Variants in ITPR3 observed in about 807,000 individuals in gnomAD.
ITPR3 encodes inositol 1,4,5-trisphosphate receptor type 3.
ITPR3 carries 173 observed loss-of-function variants against 293.2 expected under a neutral mutation model. That is an observed-to-expected ratio of 0.59 (90% CI 0.52 to 0.67). ITPR3 has a LOEUF of 0.67. ITPR3 is among the 30% of genes least tolerant of loss of function. The pLI is 0.00. For synonymous variants in ITPR3, 1,295 were observed against 1,444.4 expected, an observed-to-expected ratio of 0.90 and a Z score of 2.35; for missense variants, 2,796 against 3,592.1, an observed-to-expected ratio of 0.78 and a Z score of 5.66.
rs758482151 is a variant in ITPR3 at position 33,691,774 on chromosome 6, G to A, written c.7331-27G>A. ...GTGGGGTAGGAGGAGCAGGCAGCCC[G>A]GGCCTCAGCACACTCTCCGCTTGCA... On this transcript the variant is annotated intron_variant, in intron 53 of 57. Coordinates refer to ENST00000605930, the MANE Select transcript of ITPR3 (RefSeq NM_002224.4). The surrounding 1 kb of genome is among the most constrained non-coding windows in gnomAD (Gnocchi z 4.9). 91 of 1,561,664 alleles carry A rather than the reference G, an allele frequency of 5.8e-5. No individual in the cohort carries two copies. In the African/African-American group the frequency reaches 9.0e-4, roughly 16 times the overall value.
rs890195593 is a variant in ITPR3, at chr6:33,685,877, T to C, written c.5667+50T>C. ...CCCTTCCCCCGCTGGCCAGCCGGCATGCAGACTAGGCAGTGTGGCTGGTGT... is the reference window on the plus strand; with the variant it reads ...CCCTTCCCCCGCTGGCCAGCCGGCACGCAGACTAGGCAGTGTGGCTGGTGT... On this transcript the variant is annotated intron_variant, in intron 41 of 57. Transcript: ENST00000605930. The C allele has an allele frequency of 3.2e-6, 5 of 1,544,626 alleles. No homozygotes were observed. In the African/African-American group the frequency reaches 6.8e-5, roughly 21 times the overall value.
Position 33,633,856 on chromosome 6 carries a change from G to C in ITPR3, c.90-6628G>C, listed in dbSNP as rs1416608985. On this transcript the variant is annotated intron_variant, in intron 1 of 57. Coordinates refer to ENST00000605930, the MANE Select transcript of ITPR3 (RefSeq NM_002224.4). This position sits in a 1 kb window ranked among gnomAD's most constrained non-coding sequence, Gnocchi z 5.2. The stretch of plus-strand genomic sequence containing the variant: ...CGGGCGCGGGGCGGGGCCGGGCCGG[G>C]CCGGGGCGGGGCCAGGGAGGCCAGA... Among the ~76,000 whole-genome samples the C allele has an allele frequency of 6.8e-6, 1 of 147,478 alleles. No homozygotes were observed. Among genetic ancestry groups the C allele is most frequent in the South Asian group, 2.1e-4 (1 of 4,804 alleles).
In ITPR3 at chr6:33,670,507, A is replaced by T. The variant is rs1764727379; in HGVS notation, c.2372A>T (p.Gln791Leu). 6.2e-7 allele frequency: 1 copy of T among 1,612,688 alleles called. No homozygotes were observed. The highest frequency in any genetic ancestry group is 1.7e-5 in the Admixed American group (1 of 59,878). The change falls in exon 19 of 58, where the codon CAG becomes CTG. Residue 791 changes from glutamine to leucine, a missense_variant. Transcript: ENST00000605930. The surrounding 1 kb of genome is among the most constrained non-coding windows in gnomAD (Gnocchi z 6.7). ...MLHVHVDRDP[Q>L]ELVTPVKFAR... Reference sequence around the variant, plus strand: ...CACGTGCACGTGGACCGTGACCCCCAGGAGCTGGTCACGCCGGTCAAGTTT... The same window carrying T: ...CACGTGCACGTGGACCGTGACCCCCTGGAGCTGGTCACGCCGGTCAAGTTT...
rs965756989 is a variant in ITPR3 at position 33,692,735 on chromosome 6, T to C, written c.7466T>C (p.Leu2489Pro). 50 of 1,613,932 alleles carry C rather than the reference T, an allele frequency of 3.1e-5. No individual in the cohort carries two copies. Among genetic ancestry groups the C allele is most frequent in the Non-Finnish European group, 4.0e-5 (47 of 1,179,976 alleles). ...ILRKPSKDES[L>P]FPARVVYDLL... ...CTGCCTCATCCCCTGCAGGAGTCTC[T>C]CTTCCCAGCCCGAGTGGTCTATGAC... The change falls in exon 55 of 58, where the codon CTC (leucine) becomes CCC (proline). Residue 2489 changes from leucine (L) to proline (P), a missense_variant. Physicochemically the swap from Leu to Pro is moderately conservative, Grantham distance 98. Coordinates refer to ENST00000605930, the MANE Select transcript of ITPR3 (RefSeq NM_002224.4). The surrounding 1 kb of genome is among the most constrained non-coding windows in gnomAD (Gnocchi z 4.2).
intron 1 of ITPR3, among the ~76,000 whole-genome samples, chr6:33,623,300 A>G (rs1763479895): frequency 7.2e-6 from 1 of 139,600 alleles, no homozygotes; most frequent in Non-Finnish European, 1.5e-5. Flanking sequence ...TGAACACATG[A>G]TGATTTTCAA....
chr6:33,623,344 T>TTTTAA (rs1763484282), intron 1 of ITPR3, among the ~76,000 whole-genome samples: 2 of 149,624 alleles, frequency 1.3e-5, no homozygotes, highest in African/African-American at 2.5e-5. Context: ...TTTTTTTTTT[T>TTTTAA]AAGACAAGGT....
chr6:33,635,051 T>G (rs898661075), intron 1 of ITPR3, among the ~76,000 whole-genome samples: 1 of 152,182 alleles, frequency 6.6e-6, no homozygotes, highest in Non-Finnish European at 1.5e-5. Context: ...GTCAATGCTT[T>G]CTTTCTCTCG....
chr6:33,687,432 TC>T lies in ITPR3; in HGVS notation c.6178-41del. Reference sequence around the variant, plus strand: ...CCATTGTCGCCCCCCAGCCACCATGTCCCCCAGCCACCACACCCTGGTGACT... The same window carrying T: ...CCATTGTCGCCCCCCAGCCACCATGTCCCCAGCCACCACACCCTGGTGACT... On this transcript the variant is annotated intron_variant, in intron 45 of 57. Coordinates refer to ENST00000605930, the MANE Select transcript of ITPR3 (RefSeq NM_002224.4). The surrounding 1 kb of genome is among the most constrained non-coding windows in gnomAD (Gnocchi z 5.3). 1 of 1,557,174 alleles carries T rather than the reference TC, an allele frequency of 6.4e-7. No individual in the cohort carries two copies.
At chr6:33,647,117 G>A (rs1157159430) in intron 2 of ITPR3, among the ~76,000 whole-genome samples, 3 of 152,016 alleles carry the variant, frequency 2.0e-5, no homozygotes, top group Non-Finnish European at 2.9e-5. Flanking sequence ...CTGACCTCCT[G>A]GACTCAAGCA....
rs1321422666 is a variant in ITPR3 at position 33,694,947 on chromosome 6, C to T, written c.7809C>T (p.Pro2603=). 7 of 1,614,162 alleles carry T rather than the reference C, an allele frequency of 4.3e-6. No homozygotes were observed. Among genetic ancestry groups the T allele is most frequent in the Non-Finnish European group, 5.9e-6 (7 of 1,180,030 alleles). Residue 2603 remains proline, a synonymous_variant, in exon 57 of 58, where the codon CCC becomes CCT. Transcript: ENST00000605930. ...AGAACAAGAACCTGGACTGGTTCCCCCGGATGCGGGCCATGTCCCTTGTCA... is the reference window on the plus strand; with the variant it reads ...AGAACAAGAACCTGGACTGGTTCCCTCGGATGCGGGCCATGTCCCTTGTCA... ...MIKNKNLDWF[P]RMRAMSLVSN...
At chr6:33,657,815 CTGTGTGTGTG>C in intron 3 of ITPR3, 107 bp from the exon 4 acceptor site, 2 of 708,612 alleles carry the variant, frequency 2.8e-6, no homozygotes, top group Non-Finnish European at 4.7e-6. Flanking sequence ...TCCAGGGTGA[CTGTGTGTGTG>C]TGTGTGTGTT....
intron 2 of ITPR3, among the ~76,000 whole-genome samples, chr6:33,651,089 A>T (rs10947424): frequency 0.2 from 30,257 of 151,792 alleles, 3,788 homozygotes; most frequent in South Asian, 0.3. Flanking sequence ...ATCCTGGCTA[A>T]CATGGTGAAA....
intron 2 of ITPR3, among the ~76,000 whole-genome samples, chr6:33,641,625 T>G (rs948360311): frequency 6.6e-6 from 1 of 151,942 alleles, no homozygotes; most frequent in Non-Finnish European, 1.5e-5. Flanking sequence ...ATAAGGCCCC[T>G]TCACCCTACA....
chr6:33,622,687 G>A (rs919383407), intron 1 of ITPR3, among the ~76,000 whole-genome samples: 9 of 152,168 alleles, frequency 5.9e-5, no homozygotes, highest in African/African-American at 2.2e-4. Flanking sequence ...GCCGCGTGGT[G>A]CCTTCTTTCT....
chr6:33,630,304 T>C (rs956915407), intron 1 of ITPR3, among the ~76,000 whole-genome samples: 8 of 152,198 alleles, frequency 5.3e-5, no homozygotes, highest in Non-Finnish European at 1.0e-4. Flanking sequence ...CCCAGAGAGC[T>C]CTGCGGAGGT....
At chr6:33,659,166 C>T in intron 6 of ITPR3, 47 bp downstream of exon 6, 1 of 1,527,956 alleles carries the variant, frequency 6.5e-7, no homozygotes, top group South Asian at 1.1e-5. Context: ...CGTCCACACA[C>T]CCCTGGTGGT....
rs371880512 is a variant in ITPR3 at position 33,673,593 on chromosome 6, C to A, written c.2931C>A (p.Phe977Leu). Residue 977 changes from phenylalanine to leucine, a missense_variant and splice_region_variant, in exon 23 of 58, where the codon TTC becomes TTA. By Grantham distance (22) the Phe-to-Leu change is conservative. Around this residue, in one of 8 missense-constraint regions of ITPR3, gnomAD observed 955 missense variants for 1,180.8 expected, o/e 0.81. Transcript: ENST00000605930. ...CTGACCTTTCCTCTCTTCTCCAGTT[C>A]ATCCTCAATGTCCGCCTGGATTACC... Reference protein sequence around the residue: ...TKLKILEILQFILNVRLDYRI... With the variant: ...TKLKILEILQLILNVRLDYRI... 1.1e-4 allele frequency: 182 copies of A among 1,613,942 alleles called. No individual in the cohort carries two copies. The highest frequency in any genetic ancestry group is 1.4e-4 in the Non-Finnish European group (169 of 1,179,950).
intron 22 of ITPR3, among the ~76,000 whole-genome samples, chr6:33,673,097 T>A (rs12212284): frequency 0.17 from 26,423 of 152,160 alleles, 2,970 homozygotes; most frequent in South Asian, 0.24. Context: ...TGAGACTGTG[T>A]GACTCACCCA....
chr6:33,651,150 G>C (rs1019060666), intron 2 of ITPR3, among the ~76,000 whole-genome samples: 2 of 151,974 alleles, frequency 1.3e-5, no homozygotes, highest in Non-Finnish European at 2.9e-5. Flanking sequence ...GGTGGCACGC[G>C]CCTGTAATCC....
Sources: allele counts gnomAD v4.1 joint callset (sites outside exome capture counted in the v4.1 genomes callset), GRCh38; gene constraint gnomAD v4.1.1; regional missense constraint gnomAD v4.1.1; non-coding constraint Gnocchi (gnomAD v3.1); transcripts MANE v1.5; gene names NCBI Gene and HGNC (gene_info 2026-07-23, HGNC 2026-07-21).